Variants in LATS1 observed in about 807,000 individuals in gnomAD.
LATS1 encodes large tumor suppressor kinase 1.
A neutral mutation model predicts 106.6 loss-of-function variants in LATS1; 25 were observed. The observed-to-expected ratio is 0.23, with a 90% confidence interval of 0.17 to 0.33. The LOEUF (loss-of-function observed/expected upper bound fraction) is 0.33, where lower values mean the gene tolerates loss of function less well. Ranked by LOEUF, LATS1 falls within the 10% of genes least tolerant of loss-of-function variation. The pLI, the probability that LATS1 is intolerant of heterozygous loss-of-function variation, is 1.00. For missense variants in LATS1, 1,040 were observed against 1,382.6 expected (o/e 0.75, Z 3.93); for synonymous variants, 465 against 455.6 (o/e 1.02, Z -0.26).
At chr6:149,699,437 CCA>C (rs2114939061) in intron 2 of LATS1, among the ~76,000 whole-genome samples, 1 of 151,650 alleles carries the variant, frequency 6.6e-6, no homozygotes, top group East Asian at 1.9e-4. Flanking sequence ...TCTGCCCTCC[CCA>C]AGTTTGCATT....
At chr6:149,698,805 A>G (rs1391079539) in intron 2 of LATS1, among the ~76,000 whole-genome samples, 1 of 151,672 alleles carries the variant, frequency 6.6e-6, no homozygotes, top group Non-Finnish European at 1.5e-5. Flanking sequence ...CAAGTGATCC[A>G]CCCGCCTTGG....
At chr6:149,680,559 G>A in intron 4 of LATS1, 102 bp from the exon 5 acceptor site, 2 of 781,620 alleles carry the variant, frequency 2.6e-6, no homozygotes, top group Non-Finnish European at 4.1e-6. Flanking sequence ...AAGGTTAAAT[G>A]CATAATTTTT....
chr6:149,687,346 A>T (rs1246318171), intron 3 of LATS1, among the ~76,000 whole-genome samples: 3 of 151,830 alleles, frequency 2.0e-5, no homozygotes, highest in Admixed American at 2.0e-4. Context: ...CCACCTCAGC[A>T]TCCCAAAGTG....
intron 1 of LATS1, among the ~76,000 whole-genome samples, chr6:149,715,433 T>C (rs1784332028): frequency 6.6e-6 from 1 of 152,208 alleles, no homozygotes; most frequent in Non-Finnish European, 1.5e-5. Context: ...TTTTTGCTAA[T>C]GTAAAATAAT....
chr6:149,717,510 T>G (rs1482179956), intron 1 of LATS1: 1 of 153,332 alleles, frequency 6.5e-6, no homozygotes, highest in Non-Finnish European at 1.5e-5. Context: ...ACCTTTCCCG[T>G]TCCTTCCCTC....
At chr6:149,666,487 G>A (rs1385670039) in intron 7 of LATS1, among the ~76,000 whole-genome samples, 6 of 151,344 alleles carry the variant, frequency 4.0e-5, no homozygotes, top group South Asian at 2.1e-4. Flanking sequence ...GTGTGGTGGC[G>A]AGCAACTGTA....
chr6:149,687,605 T>C (rs1235332946), intron 3 of LATS1, among the ~76,000 whole-genome samples: 1 of 151,820 alleles, frequency 6.6e-6, no homozygotes, highest in Non-Finnish European at 1.5e-5. Context: ...AATTATTTTA[T>C]TTATTTATTA....
rs1001628480 is a variant in LATS1 at position 149,718,017 on chromosome 6, C to A, written c.-309G>T. 2.8e-6 allele frequency: 1 copy of A among 357,066 alleles called. No individual in the cohort carries two copies. The highest frequency in any genetic ancestry group is 5.4e-6 in the Non-Finnish European group (1 of 186,616). 22.1% of individuals were successfully genotyped at this position (357,066 alleles called of 1,614,324 possible). ...CGGCCCGTCCCAGGGGTCGTGAGGA[C>A]CTGGCTCTCCCCTTAACACCAGGCC... On this transcript the variant is annotated 5_prime_UTR_variant, in exon 1 of 8. Transcript: ENST00000543571.
chr6:149,697,451 G>C lies in LATS1; in HGVS notation c.349-2230C>G, dbSNP rs543350915. On this transcript the variant is annotated intron_variant, in intron 2 of 7. Transcript: ENST00000543571. ...AGTAAAATTTAAGATATTCATAAGA[G>C]TCCTAGGCTCTGAAATCTTTAAGAC... 2.0e-5 allele frequency among the ~76,000 whole-genome samples: 3 copies of C among 152,150 alleles called. No homozygotes were observed. The South Asian group carries it at 6.2e-4, about 32-fold the overall frequency.
chr6:149,668,393 G>A (rs1183576995), intron 7 of LATS1, among the ~76,000 whole-genome samples: 1 of 151,540 alleles, frequency 6.6e-6, no homozygotes, highest in South Asian at 2.1e-4. Flanking sequence ...GAAGAGCAAG[G>A]AAAACGCTAA....
chr6:149,664,834 C>T (rs1176125637), intron 7 of LATS1, among the ~76,000 whole-genome samples: 1 of 152,198 alleles, frequency 6.6e-6, no homozygotes, highest in African/African-American at 2.4e-5. Flanking sequence ...GGACTACAGG[C>T]CTCTGCCAGC....
chr6:149,695,546 G>A (rs1054104217), intron 2 of LATS1, among the ~76,000 whole-genome samples: 3 of 152,028 alleles, frequency 2.0e-5, no homozygotes, highest in East Asian at 1.9e-4. Flanking sequence ...GTGTGCTGGC[G>A]CACGCTTGTA....
intron 7 of LATS1, among the ~76,000 whole-genome samples, chr6:149,671,000 C>G (rs1237677063): frequency 6.6e-6 from 1 of 151,866 alleles, no homozygotes; most frequent in Non-Finnish European, 1.5e-5. Flanking sequence ...CTCCAGCCCA[C>G]AGAGATTTTC....
At chr6:149,671,053 C>CTA (rs1413909809) in intron 7 of LATS1, among the ~76,000 whole-genome samples, 1 of 151,792 alleles carries the variant, frequency 6.6e-6, no homozygotes, top group African/African-American at 2.4e-5. Context: ...TAAGCTTTAT[C>CTA]TATATATATG....
intron 3 of LATS1, among the ~76,000 whole-genome samples, chr6:149,687,406 A>G (rs980621391): frequency 1.3e-5 from 2 of 151,622 alleles, no homozygotes; most frequent in African/African-American, 2.4e-5. Flanking sequence ...CTCCAAGGTT[A>G]ATCCCCTACT....
intron 1 of LATS1, among the ~76,000 whole-genome samples, chr6:149,702,735 G>T (rs192972469): frequency 1.3e-5 from 2 of 151,962 alleles, no homozygotes; most frequent in Non-Finnish European, 2.9e-5. Context: ...GCAGTGGTGC[G>T]ATCTTGCCTC....
chr6:149,662,185 A>T lies in LATS1; in HGVS notation c.2937T>A (p.Pro979=). ...GTTTAATAATAAGATCAGAAGCTTC[A>T]GGACTGAGTTTAGCTTGTGGTGGAA... ...LHIPPQAKLS[P]EASDLIIKLC... is the part of the protein sequence containing the mutation. The change falls in exon 8 of 8, where the codon CCT becomes CCA. Residue 979 remains proline (P), a synonymous_variant. Transcript: ENST00000543571. 6.2e-7 allele frequency: 1 copy of T among 1,613,506 alleles called. No individual in the cohort carries two copies. The highest frequency in any genetic ancestry group is 8.5e-7 in the Non-Finnish European group (1 of 1,179,974).
chr6:149,705,588 G>C (rs1393433815), intron 1 of LATS1, among the ~76,000 whole-genome samples: 1 of 150,824 alleles, frequency 6.6e-6, no homozygotes, highest in Non-Finnish European at 1.5e-5. Context: ...TTCTGACAGA[G>C]AGAGAGAGAG....
chr6:149,684,215 G>A lies in LATS1; in HGVS notation c.874C>T (p.Pro292Ser). The A allele has an allele frequency of 6.2e-7, 1 of 1,614,198 alleles. No homozygotes were observed. Among genetic ancestry groups the A allele is most frequent in the Non-Finnish European group, 8.5e-7 (1 of 1,180,036 alleles). ...EYVISRISPV[P>S]PGAWQEGYPP... ...TAGCCCTCTTGCCATGCCCCAGGTG[G>A]GACAGGAGAGATTCGGGAGATTACG... Residue 292 changes from proline (P) to serine (S), a missense_variant, in exon 4 of 8, where the codon CCA (proline) becomes TCA (serine). By Grantham distance (74) the Pro-to-Ser change is moderately conservative (BLOSUM62 -1). Coordinates refer to ENST00000543571, the MANE Select transcript of LATS1 (RefSeq NM_004690.4).
Sources: allele counts gnomAD v4.1 joint callset (sites outside exome capture counted in the v4.1 genomes callset), GRCh38; gene constraint gnomAD v4.1.1; transcripts MANE v1.5; gene names NCBI Gene and HGNC (gene_info 2026-07-23, HGNC 2026-07-21).